The following ZFHX4 variants were observed in gnomAD, a reference collection of about 807,000 sequenced individuals.
ZFHX4 encodes the protein zinc finger homeobox 4.
Under a neutral mutation model 267.6 loss-of-function variants are expected in ZFHX4, and 56 were observed. The ratio of observed to expected loss-of-function variants is 0.21; its 90% CI spans 0.17 to 0.26. The LOEUF (loss-of-function observed/expected upper bound fraction) is 0.26, where lower values mean the gene tolerates loss of function less well. ZFHX4 is among the 10% of genes least tolerant of loss of function. The pLI is 1.00. For synonymous variants in ZFHX4, 1,778 were observed against 1,665.6 expected (o/e 1.07, Z -1.64); for missense variants, 4,332 against 4,420.0 (o/e 0.98, Z 0.56).
chr8:76,809,062 A>T (rs943419380), intron 4 of ZFHX4, among the ~76,000 whole-genome samples: 14 of 152,112 alleles, frequency 9.2e-5, no homozygotes, highest in Non-Finnish European at 1.8e-4. Context: ...AAAGATTTGA[A>T]TGAAAAGACC....
chr8:76,715,682 T>TA (rs1448850129), intron 3 of ZFHX4, among the ~76,000 whole-genome samples: 1 of 152,040 alleles, frequency 6.6e-6, no homozygotes, highest in Admixed American at 6.6e-5. Flanking sequence ...TTATCACAGA[T>TA]AAAAACAGTT....
intron 4 of ZFHX4, among the ~76,000 whole-genome samples, chr8:76,822,044 T>C (rs1351998550): frequency 1.3e-5 from 2 of 151,940 alleles, no homozygotes; most frequent in African/African-American, 2.4e-5. Context: ...CACCCCTTCA[T>C]ACCCTTGCCT....
Position 76,852,030 on chromosome 8 carries a change from A to G in ZFHX4, c.5109A>G (p.Gln1703=), listed in dbSNP as rs1165992505. Residue 1703 remains glutamine, a synonymous_variant, in exon 10 of 11, where the codon CAA becomes CAG. Coordinates refer to ENST00000651372, the MANE Select transcript of ZFHX4 (RefSeq NM_024721.5). ...QIQMQLQHEL[Q]QQAAFFQPQF... ...AGATGCAACTACAGCACGAATTACA[A>G]CAGCAAGCCGCATTCTTTCAGCCTC... 2 of 1,614,018 alleles carry G rather than the reference A, an allele frequency of 1.2e-6. No individual in the cohort carries two copies. Among genetic ancestry groups the G allele is most frequent in the Admixed American group, 3.3e-5 (2 of 60,024 alleles).
At chr8:76,808,919 T>C (rs905617906) in intron 4 of ZFHX4, among the ~76,000 whole-genome samples, 13 of 151,738 alleles carry the variant, frequency 8.6e-5, no homozygotes, top group Non-Finnish European at 1.8e-4. Context: ...TGTCTCTCTC[T>C]CTCTCTCTCT....
At chr8:76,751,164 G>T (rs1170287866) in intron 3 of ZFHX4, among the ~76,000 whole-genome samples, 2 of 152,090 alleles carry the variant, frequency 1.3e-5, no homozygotes, top group Non-Finnish European at 2.9e-5. Flanking sequence ...ATGGCCACAT[G>T]TCCCTCTCAT....
intron 4 of ZFHX4, among the ~76,000 whole-genome samples, chr8:76,824,031 A>T (rs192997139): frequency 1.1e-4 from 17 of 152,370 alleles, no homozygotes; most frequent in African/African-American, 3.1e-4. Flanking sequence ...TAGGTGTGAT[A>T]GCAAGAAAGA....
intron 3 of ZFHX4, among the ~76,000 whole-genome samples, chr8:76,714,300 G>T (rs546793622): frequency 6.6e-6 from 1 of 152,160 alleles, no homozygotes; most frequent in African/African-American, 2.4e-5. Context: ...TGTTAACCAG[G>T]CCTCACACTG....
At chr8:76,734,164 A>G (rs1809096484) in intron 3 of ZFHX4, among the ~76,000 whole-genome samples, 2 of 152,208 alleles carry the variant, frequency 1.3e-5, no homozygotes, top group Non-Finnish European at 2.9e-5. Context: ...GAACATATTT[A>G]TAAAACATAC....
chr8:76,819,744 T>G (rs529903619), intron 4 of ZFHX4, among the ~76,000 whole-genome samples: 23 of 152,290 alleles, frequency 1.5e-4, no homozygotes, highest in African/African-American at 4.3e-4. Flanking sequence ...GAAAACTGAT[T>G]CTCCAATATT....
intron 3 of ZFHX4, among the ~76,000 whole-genome samples, chr8:76,746,567 T>C (rs1323352786): frequency 2.0e-5 from 3 of 152,226 alleles, no homozygotes; most frequent in Non-Finnish European, 4.4e-5. Flanking sequence ...TTTTTAAAAA[T>C]GTAAACTCTG....
At chr8:76,835,247 A>ATATGTATATATATATATATG (rs1554572203) in intron 5 of ZFHX4, among the ~76,000 whole-genome samples, 18 of 138,780 alleles carry the variant, frequency 1.3e-4, no homozygotes, top group African/African-American at 4.5e-4. Context: ...ATATGTATAT[A>ATATGTATATATATATATATG]TATATATATA....
Position 76,733,130 on chromosome 8 carries a change from G to A in ZFHX4, c.3093+25082G>A, listed in dbSNP as rs181244950. On this transcript the variant is annotated intron_variant, in intron 3 of 10. Transcript: ENST00000651372. ...AATCTGGATTTCCAATGATTGTTCA[G>A]GGGTGGCGGTTTGGGGGATGGGATT... Among the ~76,000 whole-genome samples, 217 of 152,228 alleles carry A rather than the reference G, an allele frequency of 1.4e-3. 1 individual carries two copies. Among genetic ancestry groups the A allele is most frequent in the Non-Finnish European group, 2.4e-3 (161 of 68,022 alleles).
In ZFHX4 at chr8:76,778,380, CA is replaced by C; in HGVS notation, c.3267del (p.Glu1090ArgfsTer38). ...KLQLHQQGLA[P>X]EEDNLSEIFF... ...CAGCTCCACCAGCAAGGCCTGGCAC[CA>C]GAGGAGGACAACCTCAGTGAGATCT... On this transcript the variant is annotated frameshift_variant, in exon 4 of 11. Transcript: ENST00000651372. LOFTEE classifies it high-confidence loss of function. The C allele has an allele frequency of 6.2e-7, 1 of 1,613,896 alleles. No homozygotes were observed. The highest frequency in any genetic ancestry group is 8.5e-7 in the Non-Finnish European group (1 of 1,179,854).
Position 76,853,819 on chromosome 8 carries a change from A to G in ZFHX4, c.6898A>G (p.Thr2300Ala), listed in dbSNP as rs1428530450. The change falls in exon 10 of 11, where the codon ACT becomes GCT. Residue 2300 changes from threonine to alanine, a missense_variant. By Grantham distance (58) the Thr-to-Ala change is moderately conservative (BLOSUM62 0). Transcript: ENST00000651372. ...ETKDNEKREL[T>A]NERYIRTSNM... ...AAAAGATAATGAAAAAAGAGAACTC[A>G]CTAATGAACGGTACATTCGAACAAG... 1 of 1,613,778 alleles carries G rather than the reference A, an allele frequency of 6.2e-7. No homozygotes were observed. Among genetic ancestry groups the G allele is most frequent in the East Asian group, 2.2e-5 (1 of 44,862 alleles).
intron 3 of ZFHX4, among the ~76,000 whole-genome samples, chr8:76,750,158 G>T (rs1809576286): frequency 6.6e-6 from 1 of 152,068 alleles, no homozygotes; most frequent in Non-Finnish European, 1.5e-5. Flanking sequence ...CCAAGATTAG[G>T]GTCTTGGATG....
chr8:76,850,352 G>A lies in ZFHX4; in HGVS notation c.3954G>A (p.Gly1318=). The A allele has an allele frequency of 6.2e-7, 1 of 1,610,572 alleles. No homozygotes were observed. The highest frequency in any genetic ancestry group is 8.5e-7 in the Non-Finnish European group (1 of 1,178,452). Residue 1318 remains glycine (G), a synonymous_variant, in exon 9 of 11, where the codon GGG becomes GGA. Coordinates refer to ENST00000651372, the MANE Select transcript of ZFHX4 (RefSeq NM_024721.5). ...CAGCCGTGACAGCTGAGGGGTCTGG[G>A]AAATATTCAGGTATGCCATCTTATC... The part of the protein sequence containing the change: ...TPAAVTAEGS[G]KYSGESPMDD...
chr8:76,837,531 A>T (rs1812123915), intron 5 of ZFHX4, among the ~76,000 whole-genome samples: 1 of 151,948 alleles, frequency 6.6e-6, no homozygotes, highest in Non-Finnish European at 1.5e-5. Context: ...ACCAAGACAA[A>T]ATCAAACACC....
At chr8:76,703,936 C>T (rs2131603841) in intron 1 of ZFHX4, 107 bp from the exon 2 acceptor site, 1 of 829,684 alleles carries the variant, frequency 1.2e-6, no homozygotes, top group South Asian at 2.0e-5. Flanking sequence ...TTCCCCTTAC[C>T]TTTTTAGATA....
At position 76,866,728 on chromosome 8, in the gene ZFHX4, C is replaced by T. The variant is rs1813042401; in HGVS notation, c.*2163C>T. 6.6e-6 allele frequency: 1 copy of T among 151,882 alleles called. No individual in the cohort carries two copies. 9.4% of individuals were successfully genotyped at this position (151,882 alleles called of 1,614,324 possible). On this transcript the variant is annotated 3_prime_UTR_variant, in exon 11 of 11. Coordinates refer to ENST00000651372, the MANE Select transcript of ZFHX4 (RefSeq NM_024721.5). ...AGAACGCTTTTCACAAAACAAAGGA[C>T]TGTTTTACAAATGATTATTCCGACA...
Sources: gnomAD v4.1 joint callset for allele counts (sites outside exome capture counted in the v4.1 genomes callset) on GRCh38, gnomAD v4.1.1 for gene constraint, MANE v1.5 for transcripts, NCBI Gene and HGNC (gene_info 2026-07-23, HGNC 2026-07-21) for gene names.